The following RTTN variants were observed in gnomAD, a reference collection of about 807,000 sequenced individuals.
The protein encoded by RTTN is rotatin.
RTTN carries 182 observed loss-of-function variants against 269.2 expected under a neutral mutation model. That is an observed-to-expected ratio of 0.68 (90% CI 0.60 to 0.76). The LOEUF is 0.76. RTTN is among the 30% of genes least tolerant of loss of function. The pLI is 0.00. For synonymous variants in RTTN, 1,006 were observed against 963.5 expected (o/e 1.04, Z -0.82); for missense variants, 2,545 against 2,608.6 (o/e 0.98, Z 0.53).
At chr18:70,176,397 A>G (rs1349923358) in intron 11 of RTTN, among the ~76,000 whole-genome samples, 6 of 152,234 alleles carry the variant, frequency 3.9e-5, no homozygotes. Flanking sequence ...TCACTGAATG[A>G]ACAAGGAATA....
intron 23 of RTTN, chr18:70,130,513 T>C (rs971502097): frequency 6.6e-6 from 1 of 150,962 alleles, no homozygotes; most frequent in Non-Finnish European, 1.5e-5. Flanking sequence ...TTACGTTAAC[T>C]GAAATAATCC....
At chr18:70,167,895 C>T (rs2061033429) in intron 12 of RTTN, among the ~76,000 whole-genome samples, 1 of 151,956 alleles carries the variant, frequency 6.6e-6, no homozygotes, top group South Asian at 2.1e-4. Context: ...ACCTTTAATC[C>T]TAGCATTTTG....
intron 18 of RTTN, 21 bp downstream of exon 18, chr18:70,145,591 A>C: frequency 6.4e-7 from 1 of 1,555,320 alleles, no homozygotes; most frequent in Non-Finnish European, 8.7e-7. Flanking sequence ...ACACAGTAAT[A>C]AACTCAAAAT....
intron 27 of RTTN, among the ~76,000 whole-genome samples, chr18:70,113,445 T>C (rs548103334): frequency 1.6e-4 from 25 of 152,242 alleles, no homozygotes; most frequent in African/African-American, 5.3e-4. Flanking sequence ...GAATGTAAAA[T>C]GGTATAGCTG....
At chr18:70,019,789 T>G (rs949145783) in intron 45 of RTTN, 20 of 152,220 alleles carry the variant, frequency 1.3e-4, no homozygotes, top group African/African-American at 4.6e-4. Context: ...TTCCATTTCC[T>G]TAGAAAGACC....
rs531647969 is a variant in RTTN, at chr18:70,095,656, A to T, written c.3904-2852T>A. ...CTGGCTTGCAGGGTGTCTGAGAGAG[A>T]TCCGCTGGTAAGACTAACAGGGATG... On this transcript the variant is annotated intron_variant, in intron 28 of 48. Coordinates refer to ENST00000640769, the MANE Select transcript of RTTN (RefSeq NM_173630.4). Among the ~76,000 whole-genome samples the T allele has an allele frequency of 1.4e-4, 22 of 152,240 alleles. No individual in the cohort carries two copies. In the East Asian group the frequency reaches 4.1e-3, roughly 28 times the overall value.
chr18:70,061,702 C>A (rs575386071), intron 35 of RTTN, among the ~76,000 whole-genome samples: 1 of 152,038 alleles, frequency 6.6e-6, no homozygotes, highest in African/African-American at 2.4e-5. Flanking sequence ...CCAGGCATGG[C>A]GGCACATTCC....
chr18:70,170,962 T>C (rs1194301643), intron 11 of RTTN, among the ~76,000 whole-genome samples: 6 of 152,130 alleles, frequency 3.9e-5, no homozygotes, highest in Non-Finnish European at 5.9e-5. Flanking sequence ...AACAACAAAG[T>C]TGACATTTAC....
intron 28 of RTTN, 136 bp from the exon 29 acceptor site, chr18:70,092,940 T>C: frequency 1.5e-6 from 1 of 678,402 alleles, no homozygotes; most frequent in Non-Finnish European, 2.2e-6. Context: ...TTTATATACT[T>C]AAAAATGAAT....
At chr18:70,093,092 C>G (rs1318164309) in intron 28 of RTTN, among the ~76,000 whole-genome samples, 1 of 152,170 alleles carries the variant, frequency 6.6e-6, no homozygotes, top group South Asian at 2.1e-4. Flanking sequence ...GTAGTCCCAG[C>G]TACCGGGGAA....
rs561841348 is a variant in RTTN, at chr18:70,117,074, C to T, written c.3529-2475G>A. Among the ~76,000 whole-genome samples, 9 of 152,182 alleles carry T rather than the reference C, an allele frequency of 5.9e-5. No individual in the cohort carries two copies. In the South Asian group the frequency reaches 1.0e-3, roughly 18 times the overall value. ...AATAAGTGAATGTCTTGATAAAACACATGGAAAAAAATTTCACAAGAGAAA... is the reference window on the plus strand; with the variant it reads ...AATAAGTGAATGTCTTGATAAAACATATGGAAAAAAATTTCACAAGAGAAA... On this transcript the variant is annotated intron_variant, in intron 26 of 48. Coordinates refer to ENST00000640769, the MANE Select transcript of RTTN (RefSeq NM_173630.4).
rs539147113 is a variant in RTTN at position 70,136,725 on chromosome 18, G to C, written c.2789-1445C>G. Among the ~76,000 whole-genome samples, 920 of 152,124 alleles carry C rather than the reference G, an allele frequency of 6.0e-3. 3 individuals carry two copies. Among genetic ancestry groups the C allele is most frequent in the Middle Eastern group, 0.01 (3 of 294 alleles). ...AAAATAAGCATTTTTAAACACCTTT[G>C]GTGAGAGTGATTTGGAAAGGAACTT... is the stretch of plus-strand genomic sequence containing the variant. On this transcript the variant is annotated intron_variant, in intron 21 of 48. Coordinates refer to ENST00000640769, the MANE Select transcript of RTTN (RefSeq NM_173630.4).
intron 40 of RTTN, among the ~76,000 whole-genome samples, chr18:70,043,351 A>G (rs1369291): frequency 0.81 from 122,621 of 152,106 alleles, 53,846 homozygotes; most frequent in East Asian, 1. Flanking sequence ...ATTTAATACC[A>G]TTCACGCTGC....
At chr18:70,117,611 A>G (rs28560302) in intron 26 of RTTN, among the ~76,000 whole-genome samples, 3,842 of 152,178 alleles carry the variant, frequency 0.025, 164 homozygotes, top group African/African-American at 0.086. Context: ...CAAAAACTGC[A>G]TTAAAATTAT....
chr18:70,017,416 G>A lies in RTTN; in HGVS notation c.6412C>T (p.Leu2138=). The A allele has an allele frequency of 6.2e-7, 1 of 1,613,664 alleles. No individual in the cohort carries two copies. Residue 2138 remains leucine (L), a synonymous_variant, in exon 46 of 49, where the codon CTG becomes TTG. Coordinates refer to ENST00000640769, the MANE Select transcript of RTTN (RefSeq NM_173630.4). ...GTGTGTGAAAACTTACCATTAGCCA[G>A]GATCTTGGGTTTATTTGCAGGACTG... ...CFSPANKPKI[L]ANEKVITVLA... is the part of the protein sequence containing the mutation.
intron 19 of RTTN, among the ~76,000 whole-genome samples, chr18:70,141,781 A>T (rs2060264257): frequency 6.6e-6 from 1 of 152,166 alleles, no homozygotes; most frequent in South Asian, 2.1e-4. Flanking sequence ...TAAAAAAATA[A>T]AAATAAACGT....
At chr18:70,119,634 T>A (rs1191060376) in intron 26 of RTTN, among the ~76,000 whole-genome samples, 1 of 152,210 alleles carries the variant, frequency 6.6e-6, no homozygotes, top group Non-Finnish European at 1.5e-5. Context: ...AAATAAGTTA[T>A]CTATTTATAA....
chr18:70,156,231 G>T, intron 14 of RTTN, among the ~76,000 whole-genome samples: 1 of 152,168 alleles, frequency 6.6e-6, no homozygotes, highest in Non-Finnish European at 1.5e-5. Context: ...GAACATCCCT[G>T]AGAAAGAGAA....
At chr18:70,047,054 T>A (rs529945559) in intron 40 of RTTN, among the ~76,000 whole-genome samples, 3 of 151,954 alleles carry the variant, frequency 2.0e-5, no homozygotes, top group Non-Finnish European at 4.4e-5. Context: ...TGGGTAAAAA[T>A]CTCCAAATTC....
Sources: gnomAD v4.1 joint callset for allele counts (sites outside exome capture counted in the v4.1 genomes callset) on GRCh38, gnomAD v4.1.1 for gene constraint, MANE v1.5 for transcripts, NCBI Gene and HGNC (gene_info 2026-07-23, HGNC 2026-07-21) for gene names.